The following DOCK2 variants were observed in gnomAD, a reference collection of about 807,000 sequenced individuals.
DOCK2 encodes the protein dedicator of cytokinesis 2.
Under a neutral mutation model 248.9 loss-of-function variants are expected in DOCK2, and 87 were observed. The ratio of observed to expected loss-of-function variants is 0.35; its 90% confidence interval spans 0.29 to 0.42. The LOEUF (loss-of-function observed/expected upper bound fraction) is 0.42, where lower values mean the gene tolerates loss of function less well. Among genes scored for constraint, DOCK2 ranks in the 10% least tolerant of loss-of-function variants. DOCK2 has a pLI of 1.00. For synonymous variants in DOCK2, 805 were observed against 821.6 expected (o/e 0.98, Z 0.35); for missense variants, 1,747 against 2,300.2 (o/e 0.76, Z 4.92).
At chr5:169,931,477 G>A (rs142134386) in intron 27 of DOCK2, among the ~76,000 whole-genome samples, 275 of 152,330 alleles carry the variant, frequency 1.8e-3, no homozygotes, top group African/African-American at 6.3e-3. Context: ...TAAGTTCCTG[G>A]CATATAAAAT....
intron 27 of DOCK2, among the ~76,000 whole-genome samples, chr5:169,865,764 G>T (rs1049585475): frequency 1.3e-5 from 2 of 152,196 alleles, no homozygotes; most frequent in African/African-American, 4.8e-5. Flanking sequence ...ATGAAATGTT[G>T]CATCTGGGAG....
chr5:170,082,899 G>T lies in DOCK2; in HGVS notation c.*41G>T. The T allele has an allele frequency of 6.2e-7, 1 of 1,613,586 alleles. No homozygotes were observed. Among genetic ancestry groups the T allele is most frequent in the Non-Finnish European group, 8.5e-7 (1 of 1,179,638 alleles). On this transcript the variant is annotated 3_prime_UTR_variant, in exon 52 of 52. Coordinates refer to ENST00000520908, the MANE Select transcript of DOCK2 (RefSeq NM_004946.3). ...GGCTGCATGGGAGAGCCAGGGAGGGGAGTTTCTGGAAGAGGAAAGCCATGC... is the reference window on the plus strand; with the variant it reads ...GGCTGCATGGGAGAGCCAGGGAGGGTAGTTTCTGGAAGAGGAAAGCCATGC...
At position 170,077,492 on chromosome 5, in the gene DOCK2, A is replaced by G. The variant is rs114957977; in HGVS notation, c.4867-218A>G. Among the ~76,000 whole-genome samples, 658 of 152,336 alleles carry G rather than the reference A, an allele frequency of 4.3e-3. 5 individuals carry two copies. Among genetic ancestry groups the G allele is most frequent in the African/African-American group, 0.015 (632 of 41,582 alleles). ...TACTACTATCACATAGGAAATTCCA[A>G]AGTTTTAGATATTACCTTCCAGGAA... On this transcript the variant is annotated intron_variant, in intron 47 of 51. Transcript: ENST00000520908.
intron 44 of DOCK2, among the ~76,000 whole-genome samples, chr5:170,059,864 C>T (rs553501103): frequency 7.9e-5 from 12 of 152,268 alleles, no homozygotes; most frequent in East Asian, 3.9e-4. Context: ...TCTTTCATCC[C>T]GATGGCTTCT....
intron 27 of DOCK2, among the ~76,000 whole-genome samples, chr5:169,949,998 T>G (rs189492076): frequency 2.0e-5 from 3 of 152,284 alleles, no homozygotes; most frequent in Admixed American, 6.5e-5. Flanking sequence ...AACCTCGCAA[T>G]GAAGGAGGGT....
At chr5:169,952,814 C>T (rs1455562952) in intron 27 of DOCK2, among the ~76,000 whole-genome samples, 1 of 151,886 alleles carries the variant, frequency 6.6e-6, no homozygotes, top group Admixed American at 6.6e-5. Flanking sequence ...AGTGAAGCCA[C>T]CAGAATACAT....
intron 27 of DOCK2, among the ~76,000 whole-genome samples, chr5:169,867,046 T>C (rs1771610318): frequency 6.6e-6 from 1 of 152,194 alleles, no homozygotes. Context: ...AACCCCTTCT[T>C]TGGGTTTGAT....
intron 26 of DOCK2, among the ~76,000 whole-genome samples, chr5:169,825,825 T>TA (rs916699139): frequency 1.8e-3 from 254 of 141,296 alleles, no homozygotes; most frequent in African/African-American, 6.0e-3. Flanking sequence ...TGCATAACAT[T>TA]AAAAAAAAAA....
intron 11 of DOCK2, 98 bp downstream of exon 11, chr5:169,698,547 T>G: frequency 1.5e-6 from 2 of 1,362,702 alleles, no homozygotes; most frequent in Non-Finnish European, 2.1e-6. Context: ...GAGTTAGTGA[T>G]AGGCAGGTGG....
intron 1 of DOCK2, among the ~76,000 whole-genome samples, chr5:169,653,469 G>A (rs1757917414): frequency 6.6e-6 from 1 of 152,230 alleles, no homozygotes; most frequent in Admixed American, 6.5e-5. Context: ...GCTACTGCCT[G>A]TTGTGTGGGC....
At chr5:170,013,538 A>G (rs1179848025) in intron 32 of DOCK2, among the ~76,000 whole-genome samples, 4 of 152,030 alleles carry the variant, frequency 2.6e-5, no homozygotes, top group Non-Finnish European at 5.9e-5. Context: ...CTGGCTTTGA[A>G]GATGGAGGAA....
intron 27 of DOCK2, among the ~76,000 whole-genome samples, chr5:169,947,712 C>T (rs989783434): frequency 6.6e-6 from 1 of 152,152 alleles, no homozygotes; most frequent in Non-Finnish European, 1.5e-5. Flanking sequence ...AAGGGAATGG[C>T]GGGCTGTCAG....
intron 27 of DOCK2, chr5:169,875,157 TC>T (rs1772243152): frequency 4.4e-6 from 2 of 454,286 alleles, no homozygotes; most frequent in Non-Finnish European, 4.4e-6. Context: ...AAATCAAGTA[TC>T]TTCTTTCAAG....
chr5:169,757,334 GCATATTAAAATTA>G (rs1764248588), intron 23 of DOCK2, among the ~76,000 whole-genome samples: 1 of 150,098 alleles, frequency 6.7e-6, no homozygotes, highest in Non-Finnish European at 1.5e-5. Context: ...ATGCTTCTTA[GCATATTAAAATTA>G]TGAAAAGTTC....
intron 39 of DOCK2, 106 bp from the exon 40 acceptor site, chr5:170,047,404 C>T: frequency 1.2e-6 from 1 of 854,224 alleles, no homozygotes; most frequent in South Asian, 1.7e-5. Flanking sequence ...GTGCACATGG[C>T]TCATTGGCTC....
At chr5:169,704,759 A>ATGTGTGTGTGTG (rs56289708) in intron 14 of DOCK2, among the ~76,000 whole-genome samples, 2 of 139,900 alleles carry the variant, frequency 1.4e-5, no homozygotes, top group African/African-American at 5.5e-5. Flanking sequence ...CTCCATATAT[A>ATGTGTGTGTGTG]TGTGTGTGTG....
chr5:169,637,510 C>T, intron 1 of DOCK2, 141 bp downstream of exon 1: 4 of 1,020,842 alleles, frequency 3.9e-6, no homozygotes, highest in Non-Finnish European at 5.1e-6. Flanking sequence ...GCGGCGGGGC[C>T]TCGGGGCGGG....
intron 25 of DOCK2, among the ~76,000 whole-genome samples, chr5:169,784,939 C>T (rs1197488496): frequency 6.6e-6 from 1 of 152,190 alleles, no homozygotes; most frequent in African/African-American, 2.4e-5. Flanking sequence ...TAAACTAAAG[C>T]TTGGAAAATA....
At chr5:169,703,614 A>G (rs1164055412) in intron 14 of DOCK2, among the ~76,000 whole-genome samples, 4 of 152,234 alleles carry the variant, frequency 2.6e-5, no homozygotes, top group Non-Finnish European at 5.9e-5. Context: ...ATCGTTTTTT[A>G]AATGTAAAGA....
Sources: allele counts gnomAD v4.1 joint callset (sites outside exome capture counted in the v4.1 genomes callset), GRCh38; gene constraint gnomAD v4.1.1; transcripts MANE v1.5; gene names NCBI Gene and HGNC (gene_info 2026-07-23, HGNC 2026-07-21).